VPS37A: variants seen among roughly 807,000 people sequenced by gnomAD.
The protein encoded by VPS37A is VPS37A subunit of ESCRT-I.
Under a neutral mutation model 49.8 loss-of-function variants are expected in VPS37A, and 30 were observed. The ratio of observed to expected loss-of-function variants is 0.60; its 90% CI spans 0.45 to 0.82. The LOEUF is 0.82. Ranked by LOEUF, VPS37A falls within the 40% of genes least tolerant of loss-of-function variation. VPS37A has a pLI of 0.00. For missense variants in VPS37A, 593 were observed against 464.4 expected (o/e 1.28, Z -2.55); for synonymous variants, 195 against 160.6 (o/e 1.21, Z -1.62).
the VPS37A span, among the ~76,000 whole-genome samples, chr8:17,318,898 C>T: frequency 6.6e-6 from 1 of 151,738 alleles, no homozygotes; most frequent in Non-Finnish European, 1.5e-5. Context: ...AGGCACCCAG[C>T]CCTACACCCT....
downstream of VPS37A, chr8:17,301,856 A>G (rs1817137020): frequency 7.4e-6 from 3 of 407,462 alleles, no homozygotes; most frequent in African/African-American, 6.2e-5. Flanking sequence ...CACACTTTCC[A>G]GAAAAAAATT....
At chr8:17,260,911 C>T (rs1812906290) in intron 1 of VPS37A, among the ~76,000 whole-genome samples, 1 of 152,150 alleles carries the variant, frequency 6.6e-6, no homozygotes, top group Non-Finnish European at 1.5e-5. Context: ...CTTTGTGCTT[C>T]ACCTTTGAGA....
chr8:17,289,264 C>T (rs1431558456), intron 11 of VPS37A, among the ~76,000 whole-genome samples: 6 of 152,152 alleles, frequency 3.9e-5, no homozygotes, highest in Non-Finnish European at 8.8e-5. Context: ...GTGTTTTAGA[C>T]ATGAAGTCTT....
chr8:17,301,921 C>G (rs1255530130), downstream of VPS37A: 8 of 444,960 alleles, frequency 1.8e-5, no homozygotes, highest in Non-Finnish European at 2.7e-5. Flanking sequence ...AAATAAGGAA[C>G]AACCAAAAAT....
chr8:17,316,661 A>T, the VPS37A span, among the ~76,000 whole-genome samples: 1 of 152,210 alleles, frequency 6.6e-6, no homozygotes, highest in South Asian at 2.1e-4. Flanking sequence ...AAAAATAAAA[A>T]TAACAATACA....
downstream of VPS37A, among the ~76,000 whole-genome samples, chr8:17,302,952 C>T (rs746965246): frequency 6.6e-6 from 1 of 151,910 alleles, no homozygotes; most frequent in Non-Finnish European, 1.5e-5. Context: ...CTCAGGTGAT[C>T]CACCCACCTC....
intron 1 of VPS37A, among the ~76,000 whole-genome samples, chr8:17,258,619 G>A (rs1043837386): frequency 5.9e-5 from 9 of 151,762 alleles, no homozygotes; most frequent in Admixed American, 2.6e-4. Context: ...TTGTTTCTAT[G>A]GGTGATGCTG....
At chr8:17,274,671 A>G (rs939688484) in intron 4 of VPS37A, 62 bp from the exon 5 acceptor site, 5 of 1,372,366 alleles carry the variant, frequency 3.6e-6, no homozygotes, top group Non-Finnish European at 5.1e-6. Flanking sequence ...AACAATTTAG[A>G]AACAATTTGA....
chr8:17,301,299 A>G (rs1817093687), downstream of VPS37A, among the ~76,000 whole-genome samples: 2 of 152,322 alleles, frequency 1.3e-5, no homozygotes, highest in South Asian at 4.1e-4. Flanking sequence ...TGAAGTGGTA[A>G]GGTTAGAAGG....
chr8:17,249,683 T>C (rs117082768), intron 1 of VPS37A, among the ~76,000 whole-genome samples: 19 of 152,336 alleles, frequency 1.2e-4, no homozygotes, highest in Non-Finnish European at 2.2e-4. Context: ...AATCTGTCTG[T>C]ATGGTATCTG....
intron 1 of VPS37A, among the ~76,000 whole-genome samples, chr8:17,260,783 G>C (rs976521705): frequency 6.6e-6 from 1 of 152,076 alleles, no homozygotes; most frequent in South Asian, 2.1e-4. Context: ...TCAGCATTTG[G>C]AAAATGTTGT....
Position 17,284,830 on chromosome 8 carries a change from T to C in VPS37A, c.1113+214T>C, listed in dbSNP as rs73208584. Among the ~76,000 whole-genome samples the C allele has an allele frequency of 0.069, 10,460 of 152,240 alleles. 501 individuals are homozygous for C. Among genetic ancestry groups the C allele is most frequent in the Non-Finnish European group, 0.1 (6,902 of 68,002 alleles). On this transcript the variant is annotated intron_variant, in intron 10 of 11. Coordinates refer to ENST00000324849, the MANE Select transcript of VPS37A (RefSeq NM_152415.3). ...AACTTAAAACTTTGAAGGTCTGTCA[T>C]AGGACTCTGGACAGCCACACACCTT...
intron 4 of VPS37A, among the ~76,000 whole-genome samples, chr8:17,269,611 G>C (rs542739030): frequency 6.6e-6 from 1 of 151,986 alleles, no homozygotes; most frequent in Non-Finnish European, 1.5e-5. Context: ...TTCACATTCA[G>C]TGCTCCACTT....
chr8:17,312,048 G>A, the VPS37A span, among the ~76,000 whole-genome samples: 1 of 152,080 alleles, frequency 6.6e-6, no homozygotes, highest in Non-Finnish European at 1.5e-5. Context: ...GACCTATGAA[G>A]TTATAAATAA....
chr8:17,279,655 G>T, intron 6 of VPS37A: 1 of 345,646 alleles, frequency 2.9e-6, no homozygotes, highest in South Asian at 2.3e-5. Context: ...AACCTAAGCT[G>T]AATAAGCTCC....
At chr8:17,258,295 G>A (rs920242037) in intron 1 of VPS37A, among the ~76,000 whole-genome samples, 2 of 152,038 alleles carry the variant, frequency 1.3e-5, no homozygotes, top group South Asian at 2.1e-4. Flanking sequence ...GTTATATATG[G>A]CCTTTATTAT....
intron 1 of VPS37A, among the ~76,000 whole-genome samples, chr8:17,261,113 G>C (rs1358827328): frequency 6.6e-6 from 1 of 152,080 alleles, no homozygotes; most frequent in Non-Finnish European, 1.5e-5. Flanking sequence ...CTTAGATGTG[G>C]TCTTCTGAGG....
At chr8:17,302,274 C>G (rs1226583826), downstream of VPS37A, 2 of 1,612,850 alleles carry the variant, frequency 1.2e-6, no homozygotes, top group South Asian at 1.1e-5. Flanking sequence ...ACATTCCACT[C>G]CAAAACCTGG....
At chr8:17,307,909 G>A in the VPS37A span, among the ~76,000 whole-genome samples, 31 of 148,778 alleles carry the variant, frequency 2.1e-4, no homozygotes, top group Non-Finnish European at 3.3e-4. Context: ...AGGGGGGAGG[G>A]ATAGCATTAG....
Sources: allele counts gnomAD v4.1 joint callset (sites outside exome capture counted in the v4.1 genomes callset), GRCh38; gene constraint gnomAD v4.1.1; transcripts MANE v1.5; gene names NCBI Gene and HGNC (gene_info 2026-07-23, HGNC 2026-07-21).